ARMC2: variants seen among roughly 807,000 people sequenced by gnomAD.
The protein encoded by ARMC2 is armadillo repeat containing 2.
A neutral mutation model predicts 90.3 loss-of-function variants in ARMC2; 67 were observed. That is an observed-to-expected ratio of 0.74 (90% CI 0.61 to 0.91). ARMC2 has a LOEUF of 0.91. Ranked by LOEUF, ARMC2 falls within the 40% of genes least tolerant of loss-of-function variation. The probability of loss-of-function intolerance (pLI) is 0.00; values close to 1 mark genes in which losing one functional copy is unlikely to be tolerated. For missense variants in ARMC2, 920 were observed against 1,030.9 expected (o/e 0.89, Z 1.47); for synonymous variants, 393 against 393.0 (o/e 1.00, Z 0.00).
the ARMC2 span, among the ~76,000 whole-genome samples, chr6:108,981,432 A>G: frequency 6.6e-6 from 1 of 152,178 alleles, no homozygotes; most frequent in Non-Finnish European, 1.5e-5. Context: ...GAACTCTTTC[A>G]TCTTGTAAAC....
chr6:108,989,556 GATCTCT>G, the ARMC2 span, among the ~76,000 whole-genome samples: 6 of 104,178 alleles, frequency 5.8e-5, no homozygotes, highest in Non-Finnish European at 1.2e-4. Flanking sequence ...TCTAGATCTA[GATCTCT>G]AGATCTAGAG....
intron 12 of ARMC2, among the ~76,000 whole-genome samples, chr6:108,938,512 T>C (rs1776149887): frequency 6.6e-6 from 1 of 150,992 alleles, no homozygotes; most frequent in Admixed American, 6.6e-5. Flanking sequence ...CTTTTACATG[T>C]TATACTCAAA....
At chr6:108,991,082 CA>C in the ARMC2 span, among the ~76,000 whole-genome samples, 1 of 149,702 alleles carries the variant, frequency 6.7e-6, no homozygotes, top group Non-Finnish European at 1.5e-5. Flanking sequence ...AAAACAACAA[CA>C]AAAAAAAACT....
At chr6:108,925,815 C>A (rs576569878) in intron 10 of ARMC2, among the ~76,000 whole-genome samples, 1 of 152,080 alleles carries the variant, frequency 6.6e-6, no homozygotes, top group Non-Finnish European at 1.5e-5. Flanking sequence ...TTTGGAAATA[C>A]GTGAGGTATT....
chr6:108,904,186 A>C lies in ARMC2; in HGVS notation c.848-44A>C, dbSNP rs770031498. ...CTGTGTTTGACACACTTGGAAACTTAACCTTAATTAGTAAGTGTTGCTTTA... is the reference window on the plus strand; with the variant it reads ...CTGTGTTTGACACACTTGGAAACTTCACCTTAATTAGTAAGTGTTGCTTTA... On this transcript the variant is annotated intron_variant, in intron 7 of 17. Transcript: ENST00000392644. The C allele has an allele frequency of 1.4e-5, 22 of 1,595,400 alleles. No individual in the cohort carries two copies. In the African/African-American group the frequency reaches 2.6e-4, roughly 19 times the overall value.
At chr6:108,998,360 G>A in the ARMC2 span, 5 of 784,342 alleles carry the variant, frequency 6.4e-6, no homozygotes, top group Non-Finnish European at 1.0e-5. Flanking sequence ...ATGTGAGGCA[G>A]TCAATAAAAC....
chr6:109,004,556 G>A, the ARMC2 span, among the ~76,000 whole-genome samples: 1 of 151,500 alleles, frequency 6.6e-6, no homozygotes, highest in Non-Finnish European at 1.5e-5. Flanking sequence ...CCTGTCTCCC[G>A]AGTAGCTAGG....
intron 1 of ARMC2, among the ~76,000 whole-genome samples, chr6:108,850,488 C>T (rs1773894358): frequency 6.6e-6 from 1 of 152,158 alleles, no homozygotes; most frequent in Admixed American, 6.5e-5. Context: ...ACCTTGACTC[C>T]TGTATCTCAG....
chr6:108,978,659 C>T (rs1237128579), downstream of ARMC2, among the ~76,000 whole-genome samples: 1 of 152,108 alleles, frequency 6.6e-6, no homozygotes, highest in African/African-American at 2.4e-5. Context: ...TAAGAACTTG[C>T]TTTATGAATC....
rs137920715 is a variant in ARMC2, at chr6:108,887,466, AC to A, written c.672-6998del. ...CTGAGGAGAGGCCTGGGAATGCCAG[AC>A]CCATTTTGCTTTAATCAGAACTCCA... On this transcript the variant is annotated intron_variant, in intron 5 of 17. Coordinates refer to ENST00000392644, the MANE Select transcript of ARMC2 (RefSeq NM_032131.6). Among the ~76,000 whole-genome samples, 637 of 152,150 alleles carry A rather than the reference AC, an allele frequency of 4.2e-3. 3 individuals are homozygous for A. The highest frequency in any genetic ancestry group is 0.014 in the African/African-American group (597 of 41,478).
At chr6:108,909,732 C>T (rs1223578544) in intron 8 of ARMC2, among the ~76,000 whole-genome samples, 1 of 152,102 alleles carries the variant, frequency 6.6e-6, no homozygotes, top group Non-Finnish European at 1.5e-5. Context: ...GATGGGGTTT[C>T]ACCACGTTGG....
chr6:108,993,284 T>C, the ARMC2 span, among the ~76,000 whole-genome samples: 3 of 152,204 alleles, frequency 2.0e-5, no homozygotes, highest in African/African-American at 7.2e-5. Flanking sequence ...ATTATTTTTG[T>C]TGAATATTAA....
chr6:108,925,187 C>G (rs549462930), intron 10 of ARMC2, among the ~76,000 whole-genome samples: 1 of 152,304 alleles, frequency 6.6e-6, no homozygotes, highest in South Asian at 2.1e-4. Context: ...TTAGCCTGAG[C>G]TGGGTAACTA....
the ARMC2 span, among the ~76,000 whole-genome samples, chr6:109,010,624 CA>C: frequency 1.3e-5 from 2 of 152,076 alleles, no homozygotes; most frequent in African/African-American, 2.4e-5. Flanking sequence ...AGTGGCATGT[CA>C]AAATGGTTAC....
intron 11 of ARMC2, among the ~76,000 whole-genome samples, chr6:108,935,615 T>C (rs534800170): frequency 6.6e-6 from 1 of 152,164 alleles, no homozygotes; most frequent in African/African-American, 2.4e-5. Context: ...CTAATTTTTG[T>C]ATTTTTTAGT....
chr6:108,890,151 C>A (rs1354153205), intron 5 of ARMC2, among the ~76,000 whole-genome samples: 1 of 131,372 alleles, frequency 7.6e-6, no homozygotes, highest in African/African-American at 3.1e-5. Context: ...GATCCCGCCA[C>A]TGCACTCCAG....
chr6:108,930,083 T>C (rs1775408253), intron 11 of ARMC2, among the ~76,000 whole-genome samples: 1 of 150,708 alleles, frequency 6.6e-6, no homozygotes, highest in South Asian at 2.1e-4. Context: ...GCCAAGATAG[T>C]GCCACTTGCA....
intron 8 of ARMC2, among the ~76,000 whole-genome samples, chr6:108,906,492 T>C (rs905998591): frequency 1.3e-5 from 2 of 152,078 alleles, no homozygotes; most frequent in Non-Finnish European, 2.9e-5. Context: ...TTTTTTCTTT[T>C]TCTTAAAGAC....
chr6:108,919,421 T>C (rs553169422), intron 10 of ARMC2, among the ~76,000 whole-genome samples: 1 of 152,314 alleles, frequency 6.6e-6, no homozygotes, highest in South Asian at 2.1e-4. Flanking sequence ...TGTCTACCAG[T>C]AGAACTTTGC....
Sources: gnomAD v4.1 joint callset for allele counts (sites outside exome capture counted in the v4.1 genomes callset) on GRCh38, gnomAD v4.1.1 for gene constraint, MANE v1.5 for transcripts, NCBI Gene and HGNC (gene_info 2026-07-23, HGNC 2026-07-21) for gene names.